The following ELAVL4 variants were observed in gnomAD, a reference collection of about 807,000 sequenced individuals.
ELAVL4 encodes the protein ELAV like RNA binding protein 4.
ELAVL4 carries 1 observed loss-of-function variant against 35.6 expected under a neutral mutation model. That is an observed-to-expected ratio of 0.03 (90% CI 0.01 to 0.13). The LOEUF is 0.13. ELAVL4 is among the 10% of genes least tolerant of loss of function. The pLI, the probability that ELAVL4 is intolerant of heterozygous loss-of-function variation, is 1.00. For synonymous variants in ELAVL4, 156 were observed against 171.0 expected (o/e 0.91, Z 0.69); for missense variants, 267 against 464.9 (o/e 0.57, Z 3.91).
At chr1:50,199,764 T>C (rs1644291804) in intron 6 of ELAVL4, among the ~76,000 whole-genome samples, 1 of 151,870 alleles carries the variant, frequency 6.6e-6, no homozygotes, top group Non-Finnish European at 1.5e-5. Flanking sequence ...CCTATGTAAG[T>C]TTGATATGAA....
At chr1:50,111,222 G>A (rs1207204684) in intron 1 of ELAVL4, among the ~76,000 whole-genome samples, 1 of 151,300 alleles carries the variant, frequency 6.6e-6, no homozygotes, top group African/African-American at 2.4e-5. Context: ...GGGGAAGGGA[G>A]GGTAGGGAAT....
intron 1 of ELAVL4, among the ~76,000 whole-genome samples, chr1:50,124,354 G>A (rs1032105985): frequency 6.6e-6 from 1 of 152,092 alleles, no homozygotes; most frequent in Non-Finnish European, 1.5e-5. Context: ...TATGTAATGT[G>A]TGTGTCAGAC....
intron 1 of ELAVL4, among the ~76,000 whole-genome samples, chr1:50,056,244 C>T (rs1378681750): frequency 6.6e-6 from 1 of 152,134 alleles, no homozygotes; most frequent in Non-Finnish European, 1.5e-5. Flanking sequence ...ATAAGTCACA[C>T]CCCAAGTTTG....
intron 1 of ELAVL4, among the ~76,000 whole-genome samples, chr1:50,063,028 T>A (rs1395113241): frequency 6.6e-6 from 1 of 152,184 alleles, no homozygotes; most frequent in Non-Finnish European, 1.5e-5. Context: ...TTCATTCTGG[T>A]AGGATAATTG....
intron 1 of ELAVL4, among the ~76,000 whole-genome samples, chr1:50,123,780 A>G (rs1429127034): frequency 6.6e-6 from 1 of 152,010 alleles, no homozygotes; most frequent in Non-Finnish European, 1.5e-5. Flanking sequence ...TCGGTCTCCA[A>G]CATCTTTCTG....
chr1:50,190,041 G>A (rs145070480), intron 3 of ELAVL4, among the ~76,000 whole-genome samples: 1 of 152,328 alleles, frequency 6.6e-6, no homozygotes, highest in Non-Finnish European at 1.5e-5. Flanking sequence ...GCTGCTTACA[G>A]TCACCTGGCT....
chr1:50,116,466 C>G (rs897691106), intron 1 of ELAVL4, among the ~76,000 whole-genome samples: 7 of 151,290 alleles, frequency 4.6e-5, no homozygotes, highest in African/African-American at 1.7e-4. Flanking sequence ...CTGGGAGCCC[C>G]GGTGTGCCGT....
intron 1 of ELAVL4, among the ~76,000 whole-genome samples, chr1:50,132,037 A>C (rs956211337): frequency 6.6e-6 from 1 of 152,108 alleles, no homozygotes; most frequent in Non-Finnish European, 1.5e-5. Context: ...TAATGTCATA[A>C]AAAGTGCTTG....
At chr1:50,082,236 A>T (rs1419945229) in intron 1 of ELAVL4, among the ~76,000 whole-genome samples, 1 of 152,138 alleles carries the variant, frequency 6.6e-6, no homozygotes, top group East Asian at 1.9e-4. Context: ...CTGGTTCCAG[A>T]TCCTTGAGGA....
Position 50,160,420 on chromosome 1 carries a change from G to GT in ELAVL4, c.250+15231dup, listed in dbSNP as rs372313750. Among the ~76,000 whole-genome samples the GT allele has an allele frequency of 7.8e-4, 118 of 151,986 alleles. 1 individual carries two copies. The highest frequency in any genetic ancestry group is 2.8e-3 in the African/African-American group (117 of 41,482). On this transcript the variant is annotated intron_variant, in intron 2 of 6. Coordinates refer to ENST00000371824, the MANE Select transcript of ELAVL4 (RefSeq NM_001144774.3). The stretch of plus-strand genomic sequence containing the variant: ...AAGGGAAAACATACTTTTGTTTCTT[G>GT]TTTTTTTTCTTCTTCATGGATCTGG...
At position 50,202,917 on chromosome 1, in the gene ELAVL4, T is replaced by C. The variant is rs1211462218; in HGVS notation, c.*1739T>C. 2 of 152,162 alleles carry C rather than the reference T, an allele frequency of 1.3e-5. No homozygotes were observed. Among genetic ancestry groups the C allele is most frequent in the African/African-American group, 4.8e-5 (2 of 41,450 alleles). The allele number at this position is 152,162 out of a possible 1,614,324, so 9.4% of individuals were successfully genotyped here. On this transcript the variant is annotated 3_prime_UTR_variant, in exon 7 of 7. Coordinates refer to ENST00000371824, the MANE Select transcript of ELAVL4 (RefSeq NM_001144774.3). ...AGTCTTTATTTTAATGTAACTCAGA[T>C]TGGGGAAAACAAAACAGAGCTAAGG...
At chr1:50,059,026 A>G (rs1663826300) in intron 1 of ELAVL4, among the ~76,000 whole-genome samples, 1 of 152,012 alleles carries the variant, frequency 6.6e-6, no homozygotes, top group Non-Finnish European at 1.5e-5. Context: ...TCCTAGATTC[A>G]TTTTTCTTCC....
At chr1:50,112,537 G>C (rs1247260685) in intron 1 of ELAVL4, among the ~76,000 whole-genome samples, 1 of 152,068 alleles carries the variant, frequency 6.6e-6, no homozygotes, top group African/African-American at 2.4e-5. Flanking sequence ...ATCTGACTAA[G>C]TAGCAGTTTT....
At chr1:50,133,615 G>GAAAGA (rs1553174479) in intron 1 of ELAVL4, among the ~76,000 whole-genome samples, 2 of 140,296 alleles carry the variant, frequency 1.4e-5, no homozygotes, top group Admixed American at 1.4e-4. Flanking sequence ...AAGAAAGAAA[G>GAAAGA]AAAGAAAGAA....
At chr1:50,058,479 T>C (rs939428523) in intron 1 of ELAVL4, among the ~76,000 whole-genome samples, 2 of 151,484 alleles carry the variant, frequency 1.3e-5, no homozygotes, top group Admixed American at 1.3e-4. Flanking sequence ...TTTACACTTA[T>C]CCACATGGAA....
At chr1:50,121,447 A>C (rs1255342260) in intron 1 of ELAVL4, among the ~76,000 whole-genome samples, 1 of 152,056 alleles carries the variant, frequency 6.6e-6, no homozygotes, top group East Asian at 1.9e-4. Flanking sequence ...TAGAAAAGAA[A>C]GTATCATTGG....
At chr1:50,134,105 A>G (rs1428062825) in intron 1 of ELAVL4, among the ~76,000 whole-genome samples, 1 of 152,206 alleles carries the variant, frequency 6.6e-6, no homozygotes, top group Non-Finnish European at 1.5e-5. Flanking sequence ...TTTCTGAAGA[A>G]TTTAATCTGA....
At chr1:50,170,002 A>G (rs780186582) in intron 2 of ELAVL4, among the ~76,000 whole-genome samples, 1 of 152,194 alleles carries the variant, frequency 6.6e-6, no homozygotes, top group Non-Finnish European at 1.5e-5. Context: ...AGTGTCTAGC[A>G]TGTGGTAGGT....
At chr1:50,073,824 A>ATT (rs1664639703) in intron 1 of ELAVL4, among the ~76,000 whole-genome samples, 1 of 152,230 alleles carries the variant, frequency 6.6e-6, no homozygotes, top group African/African-American at 2.4e-5. Context: ...ATGCACAAAG[A>ATT]CTAAGTGCAT....
Sources: gnomAD v4.1 joint callset for allele counts (sites outside exome capture counted in the v4.1 genomes callset) on GRCh38, gnomAD v4.1.1 for gene constraint, MANE v1.5 for transcripts, NCBI Gene and HGNC (gene_info 2026-07-23, HGNC 2026-07-21) for gene names.